Variants in DNAH12 observed in about 807,000 individuals in gnomAD.
DNAH12 encodes dynein axonemal heavy chain 12.
A neutral mutation model predicts 371.5 loss-of-function variants in DNAH12; 285 were observed. The observed-to-expected ratio is 0.77, with a 90% CI of 0.70 to 0.85. The LOEUF is 0.85. Among genes scored for constraint, DNAH12 ranks in the 40% least tolerant of loss-of-function variants. The pLI, the probability that DNAH12 is intolerant of heterozygous loss-of-function variation, is 0.00. For missense variants in DNAH12, 3,611 were observed against 3,689.4 expected (o/e 0.98, Z 0.55); for synonymous variants, 1,200 against 1,213.0 (o/e 0.99, Z 0.22).
In DNAH12 at chr3:57,541,225, G is replaced by C. The variant is rs542183448; in HGVS notation, c.170+1476C>G. Among the ~76,000 whole-genome samples the C allele has an allele frequency of 2.6e-4, 40 of 152,052 alleles. 1 individual carries two copies. In the South Asian group the frequency reaches 6.4e-3, roughly 24 times the overall value. On this transcript the variant is annotated intron_variant, in intron 2 of 73. Coordinates refer to ENST00000495027, the MANE Select transcript of DNAH12 (RefSeq NM_001366028.2). Reference sequence around the variant, plus strand: ...AAGCTAATTTTTTGTATTTTTAGTAGAGATGGGTTTCACCATGTTGGCCAG... The same window carrying C: ...AAGCTAATTTTTTGTATTTTTAGTACAGATGGGTTTCACCATGTTGGCCAG...
In DNAH12 at chr3:57,457,855, A is replaced by T. The variant is rs1222035170; in HGVS notation, c.3202T>A (p.Ser1068Thr). The part of the protein sequence containing the change: ...PNLDIKAMYS[S>T]EGERVELIAL... ...ATCAGCTCCACTCGCTCGCCCTCAGAGCTATACATGGCTTTAATGTCCAAA... is the reference window on the plus strand; with the variant it reads ...ATCAGCTCCACTCGCTCGCCCTCAGTGCTATACATGGCTTTAATGTCCAAA... The change falls in exon 22 of 74, where the codon TCT becomes ACT. Residue 1068 changes from serine (S) to threonine (T), a missense_variant. By Grantham distance (58) the Ser-to-Thr change is moderately conservative. This residue lies in a region of DNAH12 where 1,314 missense variants were observed against 1,398.7 expected (regional missense o/e 0.94). Transcript: ENST00000495027. 1 of 1,551,622 alleles carries T rather than the reference A, an allele frequency of 6.4e-7. No homozygotes were observed. The highest frequency in any genetic ancestry group is 1.2e-5 in the South Asian group (1 of 84,068).
chr3:57,532,482 A>G (rs2068884642), intron 2 of DNAH12, among the ~76,000 whole-genome samples: 2 of 152,150 alleles, frequency 1.3e-5, no homozygotes, highest in East Asian at 1.9e-4. Context: ...TGTCCTTGGG[A>G]AGGCTTTCCA....
chr3:57,319,546 T>A (rs2061759560), intron 65 of DNAH12, among the ~76,000 whole-genome samples: 1 of 152,132 alleles, frequency 6.6e-6, no homozygotes, highest in South Asian at 2.1e-4. Flanking sequence ...GTAATTTTCT[T>A]CTATTCCTCG....
chr3:57,296,315 A>C (rs778812687), intron 72 of DNAH12, 29 bp downstream of exon 72: 1 of 1,490,662 alleles, frequency 6.7e-7, no homozygotes, highest in South Asian at 1.3e-5. Context: ...GCTACAAATG[A>C]AGAGGTCCTG....
intron 59 of DNAH12, among the ~76,000 whole-genome samples, chr3:57,353,433 C>G (rs1359619826): frequency 6.6e-6 from 1 of 152,136 alleles, no homozygotes; most frequent in Admixed American, 6.5e-5. Context: ...GCTGGGACTA[C>G]AGGTGCATGG....
chr3:57,500,159 C>CG (rs1553711818), intron 11 of DNAH12, among the ~76,000 whole-genome samples: 5,488 of 31,992 alleles, frequency 0.17, 318 homozygotes, highest in African/African-American at 0.27. Flanking sequence ...TACTCCTCAG[C>CG]CCCCCCTAGT....
chr3:57,295,164 G>T (rs558200558), intron 73 of DNAH12, among the ~76,000 whole-genome samples: 1 of 152,124 alleles, frequency 6.6e-6, no homozygotes. Context: ...AGTCACTAGC[G>T]GGAGACTGTG....
intron 69 of DNAH12, among the ~76,000 whole-genome samples, chr3:57,304,098 G>A (rs1447257572): frequency 7.2e-6 from 1 of 139,428 alleles, no homozygotes; most frequent in Admixed American, 8.1e-5. Flanking sequence ...CCCTTTGACT[G>A]TAATTTTCCT....
chr3:57,407,640 C>T (rs1346574301), intron 40 of DNAH12, among the ~76,000 whole-genome samples: 3 of 151,868 alleles, frequency 2.0e-5, no homozygotes, highest in Admixed American at 6.6e-5. Context: ...TCATGACTGA[C>T]GTGCCTTTAA....
chr3:57,555,463 T>TG, the DNAH12 span, among the ~76,000 whole-genome samples: 1 of 152,120 alleles, frequency 6.6e-6, no homozygotes, highest in Admixed American at 6.6e-5. Flanking sequence ...GCACGAGCCC[T>TG]GGAGTTCGAG....
In DNAH12 at chr3:57,323,451, T is replaced by C. The variant is rs1490014270; in HGVS notation, c.10129+18A>G. ...TTTTATTTATGATTTCTTAAAAGTT[T>C]ACAGTATATGCACTTACTGGCCATA... On this transcript the variant is annotated intron_variant, in intron 63 of 73. Transcript: ENST00000495027. The C allele has an allele frequency of 1.3e-6, 2 of 1,513,350 alleles. No homozygotes were observed. Among genetic ancestry groups the C allele is most frequent in the African/African-American group, 2.8e-5 (2 of 70,856 alleles). 93.7% of individuals were successfully genotyped at this position (1,513,350 alleles called of 1,614,324 possible). A position where few individuals can be genotyped will look rare whatever the true frequency, so the allele number is the denominator to read the frequency against.
intron 55 of DNAH12, among the ~76,000 whole-genome samples, chr3:57,370,481 A>C (rs2063147292): frequency 6.6e-6 from 1 of 152,330 alleles, no homozygotes; most frequent in Middle Eastern, 3.4e-3. Flanking sequence ...GCTTGAACCC[A>C]AATGTCCTGA....
intron 4 of DNAH12, among the ~76,000 whole-genome samples, chr3:57,521,496 T>C (rs2068441205): frequency 6.6e-6 from 1 of 151,916 alleles, no homozygotes; most frequent in Non-Finnish European, 1.5e-5. Flanking sequence ...GACCCCTGTC[T>C]CTAAAAAAAA....
At chr3:57,551,331 G>C in the DNAH12 span, among the ~76,000 whole-genome samples, 3 of 151,548 alleles carry the variant, frequency 2.0e-5, no homozygotes, top group African/African-American at 7.3e-5. Flanking sequence ...GAGTGCAGTG[G>C]CGCGATCTCG....
intron 45 of DNAH12, among the ~76,000 whole-genome samples, chr3:57,387,464 A>G (rs1246345842): frequency 6.6e-6 from 1 of 152,204 alleles, no homozygotes; most frequent in Non-Finnish European, 1.5e-5. Flanking sequence ...AATTTTAGTT[A>G]TCAAAGATGT....
intron 65 of DNAH12, among the ~76,000 whole-genome samples, chr3:57,316,818 T>A (rs1306405349): frequency 6.6e-6 from 1 of 152,180 alleles, no homozygotes; most frequent in African/African-American, 2.4e-5. Context: ...TGCTTCCCCC[T>A]CACCTTCCAC....
intron 55 of DNAH12, among the ~76,000 whole-genome samples, chr3:57,371,169 AC>A (rs2063162281): frequency 6.6e-6 from 1 of 152,192 alleles, no homozygotes; most frequent in Non-Finnish European, 1.5e-5. Flanking sequence ...AGCAAAGGCA[AC>A]ACACACACTG....
chr3:57,300,738 GC>G (rs2061327812), intron 70 of DNAH12, among the ~76,000 whole-genome samples: 3 of 152,222 alleles, frequency 2.0e-5, no homozygotes, highest in African/African-American at 7.2e-5. Context: ...GTGAAAGAAA[GC>G]TTTTGTGCAA....
intron 62 of DNAH12, among the ~76,000 whole-genome samples, chr3:57,329,584 C>T (rs1230318486): frequency 4.3e-4 from 62 of 145,038 alleles, no homozygotes; most frequent in African/African-American, 6.0e-4. Context: ...AAGACTTAAA[C>T]GTTAGACCTA....
Sources: allele counts gnomAD v4.1 joint callset (sites outside exome capture counted in the v4.1 genomes callset), GRCh38; gene constraint gnomAD v4.1.1; regional missense constraint gnomAD v4.1.1; transcripts MANE v1.5; gene names NCBI Gene and HGNC (gene_info 2026-07-23, HGNC 2026-07-21).